PBX1: variants seen among roughly 807,000 people sequenced by gnomAD.
PBX1 encodes the protein pre-B-cell leukemia transcription factor 1.
In PBX1, 6 loss-of-function variants were observed where a neutral mutation model predicts 53.4. The ratio of observed to expected loss-of-function variants is 0.11; its 90% CI spans 0.06 to 0.22. PBX1 has a LOEUF of 0.22. PBX1 is among the 10% of genes least tolerant of loss of function. The pLI is 1.00. For synonymous variants in PBX1, 204 were observed against 212.3 expected (o/e 0.96, Z 0.34); for missense variants, 251 against 551.4 (o/e 0.46, Z 5.46).
intron 2 of PBX1, among the ~76,000 whole-genome samples, chr1:164,686,642 A>G (rs1357070032): frequency 6.6e-6 from 1 of 152,178 alleles, no homozygotes; most frequent in Non-Finnish European, 1.5e-5. Context: ...ACCACTTAAT[A>G]TTCCTGCTCT....
chr1:164,813,510 T>G (rs1669723504), intron 6 of PBX1: 1 of 152,224 alleles, frequency 6.6e-6, no homozygotes, highest in South Asian at 2.1e-4. Context: ...GAGTTCCATC[T>G]TCTCCATCTG....
At chr1:164,660,500 A>G (rs1478821531) in intron 2 of PBX1, among the ~76,000 whole-genome samples, 1 of 152,206 alleles carries the variant, frequency 6.6e-6, no homozygotes. Context: ...GACCTGTGCC[A>G]TTGCATAAAT....
chr1:164,614,509 CTA>C (rs1314371103), intron 2 of PBX1, among the ~76,000 whole-genome samples: 73 of 152,230 alleles, frequency 4.8e-4, no homozygotes, highest in Non-Finnish European at 2.6e-4. Context: ...CCCCTATTCT[CTA>C]TGTTGACATG....
intron 2 of PBX1, among the ~76,000 whole-genome samples, chr1:164,865,589 A>G (rs1301570254): frequency 6.6e-6 from 1 of 152,198 alleles, no homozygotes; most frequent in African/African-American, 2.4e-5. Context: ...AGTAGGTGCT[A>G]TTATTATATT....
At chr1:164,882,030 T>A (rs1672671744) in intron 2 of PBX1, among the ~76,000 whole-genome samples, 1 of 152,166 alleles carries the variant, frequency 6.6e-6, no homozygotes, top group African/African-American at 2.4e-5. Context: ...CTCCCTGATA[T>A]CCTTCTGATT....
At chr1:164,624,032 C>T (rs1657872728) in intron 2 of PBX1, among the ~76,000 whole-genome samples, 1 of 152,080 alleles carries the variant, frequency 6.6e-6, no homozygotes, top group Admixed American at 6.5e-5. Flanking sequence ...CCTGTGTGTA[C>T]ACTTAACGTG....
chr1:164,825,705 T>C (rs1341008451), intron 8 of PBX1, among the ~76,000 whole-genome samples: 1 of 152,230 alleles, frequency 6.6e-6, no homozygotes, highest in Non-Finnish European at 1.5e-5. Context: ...ATGGTGATGA[T>C]ATTGCAGACA....
At chr1:164,807,434 A>G (rs2102336320) in intron 4 of PBX1, 108 bp from the exon 5 acceptor site, 1 of 1,388,402 alleles carries the variant, frequency 7.2e-7, no homozygotes, top group Non-Finnish European at 9.8e-7. Context: ...CTCCAAATTC[A>G]CCTTTTGCTC....
At chr1:164,841,163 G>A (rs1392126383) in intron 8 of PBX1, among the ~76,000 whole-genome samples, 1 of 152,168 alleles carries the variant, frequency 6.6e-6, no homozygotes, top group Non-Finnish European at 1.5e-5. Context: ...GGGCCTGCAG[G>A]AGGAAGAAAC....
Position 164,752,206 on chromosome 1 carries a change from TTGTGTGTGTGTG to T in PBX1, c.266-40259_266-40248del, listed in dbSNP as rs10629820. On this transcript the variant is annotated intron_variant, in intron 2 of 8. Transcript: ENST00000420696. Reference sequence around the variant, plus strand: ...TGTCCATTTAGACCCCTTTAAGGTTTTGTGTGTGTGTGTGTGTGTGTGTGTGTGTGTGTGTGT... The same window carrying T: ...TGTCCATTTAGACCCCTTTAAGGTTTTGTGTGTGTGTGTGTGTGTGTGTGT... Among the ~76,000 whole-genome samples the T allele has an allele frequency of 9.0e-4, 129 of 143,126 alleles. 2 individuals are homozygous for T. The East Asian group carries it at 0.024, about 26-fold the overall frequency. 93.9% of individuals were successfully genotyped at this position (143,126 alleles called of 152,430 possible).
intron 2 of PBX1, among the ~76,000 whole-genome samples, chr1:164,593,793 C>A (rs745668111): frequency 1.3e-5 from 2 of 152,134 alleles, no homozygotes; most frequent in African/African-American, 2.4e-5. Context: ...ATAATGCAGG[C>A]ACTTATTGTT....
At position 164,610,224 on chromosome 1, in the gene PBX1, G is replaced by A. The variant is rs568164172; in HGVS notation, c.265+46913G>A. Among the ~76,000 whole-genome samples the A allele has an allele frequency of 7.2e-5, 11 of 152,286 alleles. No homozygotes were observed. The South Asian group carries it at 2.3e-3, about 32-fold the overall frequency. On this transcript the variant is annotated intron_variant, in intron 2 of 8. Coordinates refer to ENST00000420696, the MANE Select transcript of PBX1 (RefSeq NM_002585.4). ...CAATCTCCCCGGGAAAGAGATTTGA[G>A]GGACTGGAATTGTGAGAGAAATGTA...
intron 2 of PBX1, among the ~76,000 whole-genome samples, chr1:164,568,579 G>A (rs561089202): frequency 1.3e-5 from 2 of 152,266 alleles, no homozygotes; most frequent in South Asian, 4.1e-4. Context: ...TGTTTGTGAA[G>A]TGCTTTGAGT....
At chr1:164,788,752 T>TCCCCC (rs11429159) in intron 2 of PBX1, among the ~76,000 whole-genome samples, 4 of 68,948 alleles carry the variant, frequency 5.8e-5, no homozygotes, top group Non-Finnish European at 8.4e-5. Flanking sequence ...CCCGCCGCCC[T>TCCCCC]CCCCCCCCCG....
chr1:164,574,065 C>T (rs980613044), intron 2 of PBX1, among the ~76,000 whole-genome samples: 71 of 152,326 alleles, frequency 4.7e-4, no homozygotes, highest in Admixed American at 4.5e-3. Flanking sequence ...TGGAAGAGAA[C>T]GTCCACCTTA....
At chr1:164,808,221 G>T (rs902642331) in intron 5 of PBX1, among the ~76,000 whole-genome samples, 1 of 152,208 alleles carries the variant, frequency 6.6e-6, no homozygotes, top group African/African-American at 2.4e-5. Context: ...AAATGTCACT[G>T]AATGCCCCCT....
At chr1:164,792,810 T>G in intron 3 of PBX1, 72 bp downstream of exon 3, 12 of 1,127,644 alleles carry the variant, frequency 1.1e-5, no homozygotes, top group East Asian at 2.4e-5. Context: ...ACCCCGGGGC[T>G]TGCAGAGAGG....
chr1:164,646,927 T>C (rs1485668131), intron 2 of PBX1, among the ~76,000 whole-genome samples: 1 of 152,200 alleles, frequency 6.6e-6, no homozygotes, highest in Non-Finnish European at 1.5e-5. Context: ...ATACCTTTAG[T>C]GTGGTGGCAT....
chr1:164,799,710 G>A lies in PBX1; in HGVS notation c.522G>A (p.Glu174=), dbSNP rs1668973957. The change falls in exon 4 of 9, where the codon GAG becomes GAA. Residue 174 remains glutamate (E), a synonymous_variant. Coordinates refer to ENST00000420696, the MANE Select transcript of PBX1 (RefSeq NM_002585.4). The part of the protein sequence containing the change: ...ELEKYEQACN[E]FTTHVMNLLR... Reference sequence around the variant, plus strand: ...TCCTGCCATTCCAGGCCTGCAACGAGTTCACCACCCACGTGATGAATCTCC... The same window carrying A: ...TCCTGCCATTCCAGGCCTGCAACGAATTCACCACCCACGTGATGAATCTCC... The A allele has an allele frequency of 1.1e-5, 18 of 1,612,264 alleles. No individual in the cohort carries two copies. Among genetic ancestry groups the A allele is most frequent in the Admixed American group, 1.7e-5 (1 of 59,988 alleles).
Sources: allele counts gnomAD v4.1 joint callset (sites outside exome capture counted in the v4.1 genomes callset), GRCh38; gene constraint gnomAD v4.1.1; transcripts MANE v1.5; gene names NCBI Gene and HGNC (gene_info 2026-07-23, HGNC 2026-07-21).